MSH6: variants seen among roughly 807,000 people sequenced by gnomAD.
MSH6 encodes the protein DNA mismatch repair protein Msh6.
A neutral mutation model predicts 119.1 loss-of-function variants in MSH6; 85 were observed. That is an observed-to-expected ratio of 0.71 (90% CI 0.60 to 0.85). MSH6 has a LOEUF of 0.85. Among genes scored for constraint, MSH6 ranks in the 40% least tolerant of loss-of-function variants. The pLI is 0.00. For synonymous variants in MSH6, 830 were observed against 586.9 expected, an observed-to-expected ratio of 1.41 and a Z score of -5.99; for missense variants, 2,163 against 1,655.3, an observed-to-expected ratio of 1.31 and a Z score of -5.32.
At chr2:47,802,825 C>T (rs970940528) in intron 4 of MSH6, among the ~76,000 whole-genome samples, 4 of 152,206 alleles carry the variant, frequency 2.6e-5, no homozygotes, top group Admixed American at 6.5e-5. Flanking sequence ...AACCAGTCTT[C>T]AGAGATTGTT....
Position 47,783,919 on chromosome 2 carries a change from G to A in MSH6, c.260+426G>A, listed in dbSNP as rs3136235. The A allele has an allele frequency of 0.17, 173,173 of 1,006,482 alleles. 16,255 individuals are homozygous for A. Among genetic ancestry groups the A allele is most frequent in the Non-Finnish European group, 0.19 (159,674 of 842,474 alleles). 62.3% of individuals were successfully genotyped at this position (1,006,482 alleles called of 1,614,324 possible). ...TGGGCGGGGCGGGGGGCGGGGTGGC[G>A]GGAAGGAGGAATGCCTGCGGGAGGC... is the stretch of plus-strand genomic sequence containing the variant. On this transcript the variant is annotated intron_variant, in intron 1 of 9. Coordinates refer to ENST00000234420, the MANE Select transcript of MSH6 (RefSeq NM_000179.3).
chr2:47,787,940 C>A (rs1455568127), intron 1 of MSH6, among the ~76,000 whole-genome samples: 1 of 152,068 alleles, frequency 6.6e-6, no homozygotes, highest in Non-Finnish European at 1.5e-5. Flanking sequence ...GCAGGATTAC[C>A]ACGGATAAAA....
intron 4 of MSH6, among the ~76,000 whole-genome samples, chr2:47,802,019 T>C (rs1157639626): frequency 6.6e-6 from 1 of 152,222 alleles, no homozygotes; most frequent in Non-Finnish European, 1.5e-5. Context: ...CAATAAAAAG[T>C]TGAGCTTTTT....
At chr2:47,808,429 TA>T, downstream of MSH6, 1 of 1,579,964 alleles carries the variant, frequency 6.3e-7, no homozygotes, top group Middle Eastern at 1.8e-4. Context: ...GTATGACATC[TA>T]AAAAGCAAAA....
At chr2:47,805,593 CATTT>C (rs1269393249) in intron 6 of MSH6, 21 bp from the exon 7 acceptor site, 5 of 1,432,616 alleles carry the variant, frequency 3.5e-6, no homozygotes, top group Non-Finnish European at 4.9e-6. Context: ...AATGAGTATT[CATTT>C]GTGATTTTTT....
intron 1 of MSH6, among the ~76,000 whole-genome samples, chr2:47,785,262 C>G (rs1046386157): frequency 2.6e-5 from 4 of 152,194 alleles, no homozygotes; most frequent in Admixed American, 2.6e-4. Context: ...GAGTCTCGCT[C>G]TGTCGCCCAG....
chr2:47,808,854 T>G (rs17036971), downstream of MSH6: 15,107 of 271,788 alleles, frequency 0.056, 485 homozygotes, highest in Non-Finnish European at 0.066. Flanking sequence ...GGTTTTTCCA[T>G]AGTTATGGTC....
downstream of MSH6, chr2:47,806,964 ATT>A: frequency 2.2e-6 from 2 of 915,124 alleles, no homozygotes; most frequent in Non-Finnish European, 3.5e-6. Flanking sequence ...CCATTTTTCC[ATT>A]TTCTTTCTAG....
At position 47,796,033 on chromosome 2, in the gene MSH6, C is replaced by T. The variant is rs1553411498; in HGVS notation, c.597C>T (p.Pro199=). 1 of 1,613,838 alleles carries T rather than the reference C, an allele frequency of 6.2e-7. No homozygotes were observed. The highest frequency in any genetic ancestry group is 8.5e-7 in the Non-Finnish European group (1 of 1,180,006). ...TTGAATTGGCAGTTTGTGATGAGCC[C>T]TCAGAGCCAGAAGAGGAAGAAGAGA... ...KRLELAVCDE[P]SEPEEEEEME... The change falls in exon 3 of 10, where the codon CCC becomes CCT. Residue 199 remains proline, a synonymous_variant. Coordinates refer to ENST00000234420, the MANE Select transcript of MSH6 (RefSeq NM_000179.3).
At chr2:47,809,658 A>T, downstream of MSH6, 1 of 1,613,636 alleles carries the variant, frequency 6.2e-7, no homozygotes, top group Non-Finnish European at 8.5e-7. Flanking sequence ...GGTTGTTAAA[A>T]ATCTGATTGC....
intron 7 of MSH6, among the ~76,000 whole-genome samples, 162 bp from the exon 8 acceptor site, chr2:47,806,035 CATGGGCT>C (rs1415951226): frequency 6.6e-6 from 1 of 152,210 alleles, no homozygotes; most frequent in African/African-American, 2.4e-5. Flanking sequence ...CCTCACTCCC[CATGGGCT>C]GCTAAGCAGA....
chr2:47,800,563 T>C lies in MSH6; in HGVS notation c.2580T>C (p.Ser860=), dbSNP rs751515279. Residue 860 remains serine, a synonymous_variant, in exon 4 of 10, where the codon TCT becomes TCC. Coordinates refer to ENST00000234420, the MANE Select transcript of MSH6 (RefSeq NM_000179.3). ...AGAAGAAGATTATTGATTTTCTTTC[T>C]GCTCTGGAAGGATTCAAAGTAATGT... The part of the protein sequence containing the change: ...YSKKKIIDFL[S]ALEGFKVMCK... The C allele has an allele frequency of 3.1e-6, 5 of 1,613,698 alleles. No homozygotes were observed. The highest frequency in any genetic ancestry group is 2.7e-5 in the African/African-American group (2 of 74,856).
downstream of MSH6, chr2:47,808,436 C>T (rs765716253): frequency 1.9e-6 from 3 of 1,574,224 alleles, no homozygotes; most frequent in South Asian, 3.6e-5. Flanking sequence ...ATCTAAAAAG[C>T]AAAAGCTTAA....
rs1553408414 is a variant in MSH6 at position 47,783,467 on chromosome 2, A to G, written c.234A>G (p.Arg78=). The G allele has an allele frequency of 1.4e-6, 2 of 1,451,100 alleles. No homozygotes were observed. Among genetic ancestry groups the G allele is most frequent in the Non-Finnish European group, 1.8e-6 (2 of 1,102,362 alleles). 89.9% of individuals were successfully genotyped at this position (1,451,100 alleles called of 1,614,324 possible). A position where few individuals can be genotyped will look rare whatever the true frequency, so the allele number is the denominator to read the frequency against. The change falls in exon 1 of 10, where the codon AGA becomes AGG. Residue 78 remains arginine (R), a synonymous_variant. Coordinates refer to ENST00000234420, the MANE Select transcript of MSH6 (RefSeq NM_000179.3). ...AGAACCTCAACGGAGGGCTGCGGAG[A>G]TCGGTAGCGCCTGCTGCCCCCACCA... is the stretch of plus-strand genomic sequence containing the variant. ...KAKNLNGGLR[R]SVAPAAPTSC...
chr2:47,805,153 C>A, intron 6 of MSH6, 126 bp downstream of exon 6: 7 of 724,352 alleles, frequency 9.7e-6, no homozygotes, highest in Non-Finnish European at 1.5e-5. Flanking sequence ...TTAAAAACAT[C>A]ACTTTTTAAG....
At chr2:47,798,034 T>A (rs147615035) in intron 3 of MSH6, 77 of 213,744 alleles carry the variant, frequency 3.6e-4, no homozygotes, top group African/African-American at 1.6e-3. Flanking sequence ...ATCCTTGCCC[T>A]TCTTGTATTA....
At chr2:47,783,753 T>G in intron 1 of MSH6, 1 of 343,660 alleles carries the variant, frequency 2.9e-6, no homozygotes, top group Non-Finnish European at 4.4e-6. Flanking sequence ...TCGGGCCTTT[T>G]GGAGGGAGGA....
At chr2:47,808,937 TCCTC>T, downstream of MSH6, 8 of 402,888 alleles carry the variant, frequency 2.0e-5, no homozygotes, top group Non-Finnish European at 3.5e-5. Context: ...GCTCCAGTGA[TCCTC>T]CCACTTCAGC....
chr2:47,806,389 C>T (rs372983718), intron 8 of MSH6, 31 bp downstream of exon 8: 61 of 1,612,962 alleles, frequency 3.8e-5, no homozygotes, highest in African/African-American at 1.1e-4. Flanking sequence ...TCCACAAATT[C>T]GGTTTTTTGA....
Sources: gnomAD v4.1 joint callset for allele counts (sites outside exome capture counted in the v4.1 genomes callset) on GRCh38, gnomAD v4.1.1 for gene constraint, MANE v1.5 for transcripts, NCBI Gene and HGNC (gene_info 2026-07-23, HGNC 2026-07-21) for gene names.